The following ROBO2 variants were observed in gnomAD, a reference collection of about 807,000 sequenced individuals.
ROBO2 encodes roundabout homolog 2.
In ROBO2, 53 loss-of-function variants were observed where a neutral mutation model predicts 160.8. The ratio of observed to expected loss-of-function variants is 0.33; its 90% CI spans 0.26 to 0.41. The LOEUF is 0.41. Among genes scored for constraint, ROBO2 ranks in the 10% least tolerant of loss-of-function variants. The pLI is 1.00. For missense variants in ROBO2, 1,577 were observed against 1,722.4 expected, an observed-to-expected ratio of 0.92 and a Z score of 1.49; for synonymous variants, 664 against 611.7, an observed-to-expected ratio of 1.09 and a Z score of -1.26.
intron 14 of ROBO2, among the ~76,000 whole-genome samples, chr3:77,576,048 G>A (rs137870642): frequency 6.6e-6 from 1 of 152,204 alleles, no homozygotes; most frequent in African/African-American, 2.4e-5. Flanking sequence ...TGACCTGTCA[G>A]GAAGCAGGCA....
chr3:76,129,144 G>A (rs1455484613), intron 2 of ROBO2, among the ~76,000 whole-genome samples: 1 of 151,880 alleles, frequency 6.6e-6, no homozygotes, highest in Non-Finnish European at 1.5e-5. Flanking sequence ...CAAGTTCTGT[G>A]ACTTTGGCGA....
At chr3:77,174,291 C>A (rs2079922086) in intron 2 of ROBO2, among the ~76,000 whole-genome samples, 1 of 151,652 alleles carries the variant, frequency 6.6e-6, no homozygotes, top group Admixed American at 6.6e-5. Flanking sequence ...TTGCCTGAAG[C>A]ACAGAGTACG....
At chr3:76,247,322 C>G (rs1356689063) in intron 2 of ROBO2, among the ~76,000 whole-genome samples, 2 of 152,096 alleles carry the variant, frequency 1.3e-5, no homozygotes, top group Non-Finnish European at 2.9e-5. Context: ...ATAACTTTAG[C>G]CTCTTCCCAA....
At chr3:76,063,086 T>C (rs1179391702) in intron 2 of ROBO2, among the ~76,000 whole-genome samples, 1 of 152,178 alleles carries the variant, frequency 6.6e-6, no homozygotes, top group East Asian at 1.9e-4. Flanking sequence ...ACATATCAGC[T>C]CATTTAAACA....
At chr3:75,937,218 T>C (rs1947822939) in intron 1 of ROBO2, among the ~76,000 whole-genome samples, 1 of 152,144 alleles carries the variant, frequency 6.6e-6, no homozygotes, top group Non-Finnish European at 1.5e-5. Context: ...TTAACATTCA[T>C]GGTTAAATGG....
At chr3:77,484,057 A>G (rs1433082508) in intron 4 of ROBO2, among the ~76,000 whole-genome samples, 1 of 151,980 alleles carries the variant, frequency 6.6e-6, no homozygotes, top group African/African-American at 2.4e-5. Flanking sequence ...CTAACTTTAA[A>G]AAGTTACTGT....
intron 2 of ROBO2, among the ~76,000 whole-genome samples, chr3:76,069,733 G>A (rs1205806609): frequency 6.6e-6 from 1 of 152,090 alleles, no homozygotes; most frequent in Non-Finnish European, 1.5e-5. Flanking sequence ...CAAAGAACAC[G>A]TTCAGACACG....
chr3:77,330,105 T>C (rs554277270), intron 2 of ROBO2, among the ~76,000 whole-genome samples: 3 of 152,296 alleles, frequency 2.0e-5, no homozygotes, highest in South Asian at 2.1e-4. Flanking sequence ...ATGTAATATA[T>C]ATTAAGGGAT....
At chr3:76,373,022 C>A (rs75296760) in intron 2 of ROBO2, among the ~76,000 whole-genome samples, 2,110 of 152,120 alleles carry the variant, frequency 0.014, 16 homozygotes, top group Non-Finnish European at 0.022. Flanking sequence ...TGAGCATCAG[C>A]ATGAGTTCAC....
At chr3:77,060,936 ATT>A (rs78938899) in intron 1 of ROBO2, among the ~76,000 whole-genome samples, 3 of 142,600 alleles carry the variant, frequency 2.1e-5, no homozygotes, top group Admixed American at 7.1e-5. Context: ...AAAACCTAAC[ATT>A]TTTTTTTTTT....
At chr3:76,083,535 G>A (rs1202350931) in intron 2 of ROBO2, among the ~76,000 whole-genome samples, 1 of 152,058 alleles carries the variant, frequency 6.6e-6, no homozygotes, top group East Asian at 1.9e-4. Flanking sequence ...ACTAGTTTGT[G>A]ATTTTTGCAT....
chr3:77,154,281 T>C (rs1444322032), intron 2 of ROBO2, among the ~76,000 whole-genome samples: 2 of 152,046 alleles, frequency 1.3e-5, no homozygotes, highest in South Asian at 4.1e-4. Flanking sequence ...CAATAATAAA[T>C]AGGTACAGAG....
intron 2 of ROBO2, among the ~76,000 whole-genome samples, chr3:76,616,652 G>A (rs1198276195): frequency 2.6e-5 from 4 of 152,178 alleles, no homozygotes; most frequent in South Asian, 2.1e-4. Context: ...GGAGTCACAC[G>A]AACTGTGCTT....
At chr3:75,940,517 T>C (rs906107330) in intron 2 of ROBO2, among the ~76,000 whole-genome samples, 1 of 152,108 alleles carries the variant, frequency 6.6e-6, no homozygotes, top group Admixed American at 6.6e-5. Flanking sequence ...TTATCCTGAG[T>C]GTAACATTCC....
chr3:75,961,185 A>G (rs1478936402), intron 2 of ROBO2, among the ~76,000 whole-genome samples: 1 of 151,560 alleles, frequency 6.6e-6, no homozygotes, highest in African/African-American at 2.4e-5. Context: ...AAAGTTGGAG[A>G]ATGGCACTTT....
intron 5 of ROBO2, among the ~76,000 whole-genome samples, chr3:77,505,134 T>G (rs1276601244): frequency 6.6e-6 from 1 of 152,172 alleles, no homozygotes. Flanking sequence ...GGGGATTAAT[T>G]GAAGCACATT....
At chr3:77,231,478 C>A (rs2087205551) in intron 2 of ROBO2, among the ~76,000 whole-genome samples, 1 of 151,778 alleles carries the variant, frequency 6.6e-6, no homozygotes, top group African/African-American at 2.4e-5. Flanking sequence ...CTGATGAGGT[C>A]CCCTTATCCT....
At chr3:77,043,636 G>A (rs1328402344) in intron 1 of ROBO2, among the ~76,000 whole-genome samples, 1 of 152,100 alleles carries the variant, frequency 6.6e-6, no homozygotes, top group Non-Finnish European at 1.5e-5. Context: ...ATAGGAGAAT[G>A]TATGTTAAGG....
intron 2 of ROBO2, among the ~76,000 whole-genome samples, chr3:77,028,533 T>C (rs1284435065): frequency 6.6e-6 from 1 of 151,964 alleles, no homozygotes; most frequent in East Asian, 1.9e-4. Flanking sequence ...CTGACCAACA[T>C]GGTGAAACCC....
Sources: gnomAD v4.1 joint callset for allele counts (sites outside exome capture counted in the v4.1 genomes callset) on GRCh38, gnomAD v4.1.1 for gene constraint, MANE v1.5 for transcripts, NCBI Gene and HGNC (gene_info 2026-07-23, HGNC 2026-07-21) for gene names.